Variants in KCNN2 observed in about 807,000 individuals in gnomAD.
KCNN2 encodes small conductance calcium-activated potassium channel protein 2.
A neutral mutation model predicts 55.5 loss-of-function variants in KCNN2; 24 were observed. The ratio of observed to expected loss-of-function variants is 0.43; its 90% CI spans 0.31 to 0.61. The LOEUF (loss-of-function observed/expected upper bound fraction) is 0.61, where lower values mean the gene tolerates loss of function less well. Among genes scored for constraint, KCNN2 ranks in the 20% least tolerant of loss-of-function variants. The probability of loss-of-function intolerance (pLI) is 0.08; values close to 1 mark genes in which losing one functional copy is unlikely to be tolerated. For synonymous variants in KCNN2, 431 were observed against 336.1 expected (o/e 1.28, Z -3.09); for missense variants, 754 against 853.6 (o/e 0.88, Z 1.45).
At chr5:114,229,816 G>A (rs998108193) in intron 2 of KCNN2, among the ~76,000 whole-genome samples, 9 of 152,230 alleles carry the variant, frequency 5.9e-5, no homozygotes, top group African/African-American at 2.2e-4. Flanking sequence ...GTGAAAATGG[G>A]ACAAAGAGAA....
intron 1 of KCNN2, among the ~76,000 whole-genome samples, chr5:114,146,124 G>T (rs745325618): frequency 6.6e-6 from 1 of 151,988 alleles, no homozygotes; most frequent in East Asian, 1.9e-4. Flanking sequence ...ATATTAGATT[G>T]AACATCTTTC....
chr5:114,252,485 CCTCT>C (rs1253692477), intron 2 of KCNN2, among the ~76,000 whole-genome samples: 2 of 152,022 alleles, frequency 1.3e-5, no homozygotes, highest in African/African-American at 4.8e-5. Flanking sequence ...AGATATGTTC[CCTCT>C]CTGTTTTCTC....
intron 2 of KCNN2, among the ~76,000 whole-genome samples, chr5:114,308,063 A>G (rs1290640324): frequency 6.6e-6 from 1 of 151,882 alleles, no homozygotes; most frequent in Non-Finnish European, 1.5e-5. Flanking sequence ...TAAATTATTT[A>G]CTCCCGAGAA....
At chr5:114,439,354 GT>G (rs1358706759) in intron 3 of KCNN2, among the ~76,000 whole-genome samples, 1 of 151,736 alleles carries the variant, frequency 6.6e-6, no homozygotes, top group Admixed American at 6.6e-5. Flanking sequence ...TTAGAACATG[GT>G]ATATAATCTC....
At chr5:114,157,393 T>G (rs1752658785) in intron 1 of KCNN2, among the ~76,000 whole-genome samples, 1 of 152,152 alleles carries the variant, frequency 6.6e-6, no homozygotes, top group African/African-American at 2.4e-5. Flanking sequence ...ATTTTCTTAA[T>G]CCAGTCTATC....
intron 2 of KCNN2, among the ~76,000 whole-genome samples, chr5:114,310,778 G>C (rs1445055984): frequency 6.6e-6 from 1 of 152,140 alleles, no homozygotes; most frequent in East Asian, 1.9e-4. Flanking sequence ...GTTGGAAGCT[G>C]AGGGCAAAGT....
At chr5:114,365,845 C>T (rs1757584165) in intron 2 of KCNN2, among the ~76,000 whole-genome samples, 1 of 147,826 alleles carries the variant, frequency 6.8e-6, no homozygotes, top group African/African-American at 2.5e-5. Flanking sequence ...AATGAGAGAT[C>T]TTGCTGGGTT....
At chr5:114,233,256 A>T (rs1754401064) in intron 2 of KCNN2, among the ~76,000 whole-genome samples, 1 of 152,024 alleles carries the variant, frequency 6.6e-6, no homozygotes, top group Non-Finnish European at 1.5e-5. Context: ...AAAATAATTT[A>T]GTCTCTTGGA....
intron 2 of KCNN2, among the ~76,000 whole-genome samples, chr5:114,317,259 T>C (rs1278095548): frequency 1.3e-5 from 2 of 152,136 alleles, no homozygotes; most frequent in African/African-American, 4.8e-5. Flanking sequence ...AAGCCAGCTT[T>C]GTAATGTCTC....
At chr5:114,464,828 C>G (rs1398896627) in intron 4 of KCNN2, among the ~76,000 whole-genome samples, 2 of 10,678 alleles carry the variant, frequency 1.9e-4, no homozygotes, top group Non-Finnish European at 1.7e-3. Context: ...AAACGGTATG[C>G]TGCATTATCT....
At chr5:114,172,753 T>C (rs1753064223) in intron 1 of KCNN2, among the ~76,000 whole-genome samples, 1 of 151,730 alleles carries the variant, frequency 6.6e-6, no homozygotes, top group Non-Finnish European at 1.5e-5. Context: ...GAAATGTCTA[T>C]TCAGATCTTT....
intron 1 of KCNN2, among the ~76,000 whole-genome samples, chr5:114,125,403 A>G (rs1045512182): frequency 9.2e-5 from 14 of 152,208 alleles, no homozygotes; most frequent in Non-Finnish European, 1.5e-5. Context: ...TTTTAAATTC[A>G]TGCTAATCAG....
chr5:114,125,914 C>G (rs1201264498), intron 1 of KCNN2, among the ~76,000 whole-genome samples: 1 of 152,136 alleles, frequency 6.6e-6, no homozygotes, highest in Non-Finnish European at 1.5e-5. Context: ...TATCTCCAAA[C>G]AGTCACAAAG....
intron 2 of KCNN2, among the ~76,000 whole-genome samples, chr5:114,278,108 C>T (rs567973660): frequency 6.6e-5 from 10 of 152,210 alleles, no homozygotes; most frequent in Non-Finnish European, 1.2e-4. Context: ...GTCCCCTCAG[C>T]TGCATGTCTG....
At chr5:114,192,175 C>T (rs564937878) in intron 1 of KCNN2, among the ~76,000 whole-genome samples, 37 of 152,268 alleles carry the variant, frequency 2.4e-4, no homozygotes, top group African/African-American at 8.7e-4. Flanking sequence ...TTGACAAATT[C>T]TATTATATTG....
chr5:114,449,879 T>TACACACACACAC (rs745574908), intron 3 of KCNN2, among the ~76,000 whole-genome samples: 1,972 of 93,390 alleles, frequency 0.021, 58 homozygotes, highest in African/African-American at 0.053. Context: ...CATCCAAACA[T>TACACACACACAC]ACACACACAC....
At chr5:114,183,320 T>C (rs974501599) in intron 1 of KCNN2, among the ~76,000 whole-genome samples, 2 of 152,102 alleles carry the variant, frequency 1.3e-5, no homozygotes, top group African/African-American at 4.8e-5. Context: ...AGTTTTCTTT[T>C]TGGAATAAAT....
chr5:114,161,862 TAAG>T (rs891774764), intron 1 of KCNN2, among the ~76,000 whole-genome samples: 1 of 152,224 alleles, frequency 6.6e-6, no homozygotes, highest in Non-Finnish European at 1.5e-5. Context: ...TCAGGTCCTT[TAAG>T]GACTTCTCTG....
At chr5:114,145,618 G>A (rs1752382544) in intron 1 of KCNN2, among the ~76,000 whole-genome samples, 1 of 152,118 alleles carries the variant, frequency 6.6e-6, no homozygotes, top group African/African-American at 2.4e-5. Context: ...ATTGAAAGGG[G>A]TTCCGTCTTC....
Sources: gnomAD v4.1 joint callset for allele counts (sites outside exome capture counted in the v4.1 genomes callset) on GRCh38, gnomAD v4.1.1 for gene constraint, MANE v1.5 for transcripts, NCBI Gene and HGNC (gene_info 2026-07-23, HGNC 2026-07-21) for gene names.